Variants in TNFRSF19 observed in about 807,000 individuals in gnomAD.
TNFRSF19 encodes tumor necrosis factor receptor superfamily member 19.
Under a neutral mutation model 46.4 loss-of-function variants are expected in TNFRSF19, and 27 were observed. The ratio of observed to expected loss-of-function variants is 0.58; its 90% CI spans 0.43 to 0.80. TNFRSF19 has a LOEUF of 0.80. Among genes scored for constraint, TNFRSF19 ranks in the 30% least tolerant of loss-of-function variants. The pLI, the probability that TNFRSF19 is intolerant of heterozygous loss-of-function variation, is 0.00. For synonymous variants in TNFRSF19, 204 were observed against 205.0 expected, an observed-to-expected ratio of 1.00 and a Z score of 0.04; for missense variants, 511 against 530.8, an observed-to-expected ratio of 0.96 and a Z score of 0.37.
chr13:23,599,518 T>C (rs1879977036), intron 3 of TNFRSF19, among the ~76,000 whole-genome samples: 1 of 152,076 alleles, frequency 6.6e-6, no homozygotes, highest in South Asian at 2.1e-4. Flanking sequence ...GCAGGACAAC[T>C]GGGAGTGGGG....
intron 5 of TNFRSF19, among the ~76,000 whole-genome samples, chr13:23,657,733 G>A (rs999071908): frequency 1.2e-4 from 18 of 151,546 alleles, no homozygotes; most frequent in Non-Finnish European, 2.5e-4. Context: ...TCGCTCTGTC[G>A]TCCAGGCTGG....
At chr13:23,634,752 A>G (rs1438562378) in intron 5 of TNFRSF19, among the ~76,000 whole-genome samples, 1 of 152,090 alleles carries the variant, frequency 6.6e-6, no homozygotes, top group Non-Finnish European at 1.5e-5. Context: ...GGGAGCATTC[A>G]CCCTCTTGAG....
chr13:23,579,491 C>T (rs1878232886), intron 1 of TNFRSF19: 2 of 152,520 alleles, frequency 1.3e-5, no homozygotes, highest in Admixed American at 1.3e-4. Flanking sequence ...GAGCCTCGGG[C>T]TCCGGCCCGG....
At chr13:23,579,805 G>A (rs987745246) in intron 1 of TNFRSF19, among the ~76,000 whole-genome samples, 12 of 152,038 alleles carry the variant, frequency 7.9e-5, no homozygotes, top group Non-Finnish European at 1.8e-4. Context: ...ACGCGACCTG[G>A]ACTCCTATCC....
intron 3 of TNFRSF19, among the ~76,000 whole-genome samples, chr13:23,609,498 G>A (rs955328397): frequency 2.0e-5 from 3 of 152,208 alleles, no homozygotes; most frequent in African/African-American, 7.2e-5. Flanking sequence ...CTCCTCACTC[G>A]TATTAATGCC....
rs768646170 is a variant in TNFRSF19, at chr13:23,659,062, T to A, written c.458T>A (p.Val153Asp). 6.2e-7 allele frequency: 1 copy of A among 1,613,656 alleles called. No homozygotes were observed. Among genetic ancestry groups the A allele is most frequent in the Non-Finnish European group, 8.5e-7 (1 of 1,180,022 alleles). Residue 153 changes from valine (V) to aspartate (D), a missense_variant, in exon 6 of 10, where the codon GTC (valine) becomes GAC (aspartate). Transcript: ENST00000248484. The surrounding 1 kb of genome is among the most constrained non-coding windows in gnomAD (Gnocchi z 4.9). Reference sequence around the variant, plus strand: ...CCTGTGGTTTCAGGTGCCAGCAAGGTCAACCTCGTGAAGATCGCGTCCACG... The same window carrying A: ...CCTGTGGTTTCAGGTGCCAGCAAGGACAACCTCGTGAAGATCGCGTCCACG... ...PPYEPHCASK[V>D]NLVKIASTAS...
chr13:23,661,643 A>G (rs1884375222), intron 7 of TNFRSF19, among the ~76,000 whole-genome samples: 1 of 152,192 alleles, frequency 6.6e-6, no homozygotes, highest in East Asian at 1.9e-4. Flanking sequence ...GGTTGAACTA[A>G]TTTACACTTC....
chr13:23,601,590 A>G (rs754475236), intron 3 of TNFRSF19, among the ~76,000 whole-genome samples: 3 of 152,234 alleles, frequency 2.0e-5, no homozygotes, highest in Non-Finnish European at 4.4e-5. Flanking sequence ...TAATTTTCCT[A>G]TTCTTAATTG....
intron 5 of TNFRSF19, among the ~76,000 whole-genome samples, chr13:23,636,741 C>T (rs1362374706): frequency 1.3e-5 from 2 of 152,040 alleles, no homozygotes; most frequent in South Asian, 4.1e-4. Context: ...GCTCCTGGGC[C>T]GTTATGAAGA....
At chr13:23,594,830 C>T (rs1428387313) in intron 3 of TNFRSF19, among the ~76,000 whole-genome samples, 1 of 152,230 alleles carries the variant, frequency 6.6e-6, no homozygotes, top group African/African-American at 2.4e-5. Flanking sequence ...AGACACCTCC[C>T]AGCAGGGGTC....
At chr13:23,576,325 G>A (rs1297496049) in intron 1 of TNFRSF19, among the ~76,000 whole-genome samples, 1 of 152,060 alleles carries the variant, frequency 6.6e-6, no homozygotes, top group African/African-American at 2.4e-5. Flanking sequence ...CAGAGACGAG[G>A]TTTCGCCATG....
chr13:23,673,395 T>C lies in TNFRSF19; in HGVS notation c.*15T>C. 1 of 1,604,682 alleles carries C rather than the reference T, an allele frequency of 6.2e-7. No individual in the cohort carries two copies. Among genetic ancestry groups the C allele is most frequent in the South Asian group, 1.1e-5 (1 of 89,156 alleles). Reference sequence around the variant, plus strand: ...AGGAAGCTTAAAGAACCTGCTTCTTTCTGCAGTAGAAGCGTGTGCTGGAAC... The same window carrying C: ...AGGAAGCTTAAAGAACCTGCTTCTTCCTGCAGTAGAAGCGTGTGCTGGAAC... On this transcript the variant is annotated 3_prime_UTR_variant, in exon 10 of 10. Transcript: ENST00000248484.
intron 4 of TNFRSF19, among the ~76,000 whole-genome samples, chr13:23,620,240 A>T (rs923172132): frequency 6.6e-6 from 1 of 152,232 alleles, no homozygotes; most frequent in Non-Finnish European, 1.5e-5. Flanking sequence ...ACTGAGGCAG[A>T]AAGACGTGAG....
At chr13:23,595,444 C>T (rs1879649204) in intron 3 of TNFRSF19, among the ~76,000 whole-genome samples, 1 of 152,104 alleles carries the variant, frequency 6.6e-6, no homozygotes, top group South Asian at 2.1e-4. Context: ...AAACACAGCA[C>T]AAGAACTTCA....
rs1230838153 is a variant in TNFRSF19 at position 23,675,575 on chromosome 13, T to TA, written c.*2196dup. 3 of 152,166 alleles carry TA rather than the reference T, an allele frequency of 2.0e-5. No homozygotes were observed. Among genetic ancestry groups the TA allele is most frequent in the African/African-American group, 7.2e-5 (3 of 41,430 alleles). The allele number at this position is 152,166 out of a possible 1,614,324, so 9.4% of individuals were successfully genotyped here. The stretch of plus-strand genomic sequence containing the variant: ...CATTTTACCCTACCTACTCTAGAAA[T>TA]ATACAACAATGTTATATTTTACACT... On this transcript the variant is annotated 3_prime_UTR_variant, in exon 10 of 10. Transcript: ENST00000248484.
intron 5 of TNFRSF19, among the ~76,000 whole-genome samples, chr13:23,643,141 G>C (rs1422745679): frequency 6.6e-6 from 1 of 152,248 alleles, no homozygotes; most frequent in Non-Finnish European, 1.5e-5. Context: ...TTCTCTCTCT[G>C]AGAGGAGATT....
chr13:23,658,921 TC>T (rs1884156564), intron 5 of TNFRSF19, 128 bp from the exon 6 acceptor site: 1 of 1,197,152 alleles, frequency 8.4e-7, no homozygotes, highest in Non-Finnish European at 1.2e-6. Flanking sequence ...GCTTGAGCCA[TC>T]TTTAAATATC....
Position 23,590,202 on chromosome 13 carries a change from C to G in TNFRSF19, c.19C>G (p.Leu7Val). 2.5e-6 allele frequency: 4 copies of G among 1,597,288 alleles called. No homozygotes were observed. In the South Asian group the frequency reaches 4.6e-5, roughly 18 times the overall value. MALKVLLEQEKTFFTLL... is the reference protein window; with the variant it reads MALKVLVEQEKTFFTLL... ...AAGAAAGATGGCTTTAAAAGTGCTA[C>G]TAGAACAAGAGAAAACGTTTTTCAC... Residue 7 changes from leucine (L) to valine (V), a missense_variant, in exon 2 of 10, where the codon CTA becomes GTA. By Grantham distance (32) the Leu-to-Val change is conservative. Around this residue, in one of 3 missense-constraint regions of TNFRSF19, gnomAD observed 121 missense variants for 124.1 expected, o/e 0.98. Coordinates refer to ENST00000248484, the MANE Select transcript of TNFRSF19 (RefSeq NM_148957.4).
chr13:23,630,401 C>T (rs1193488632), intron 5 of TNFRSF19, among the ~76,000 whole-genome samples: 2 of 152,086 alleles, frequency 1.3e-5, no homozygotes, highest in Non-Finnish European at 2.9e-5. Context: ...CCAGTCTCTC[C>T]CCTCTCTATC....
Sources: allele counts gnomAD v4.1 joint callset (sites outside exome capture counted in the v4.1 genomes callset), GRCh38; gene constraint gnomAD v4.1.1; regional missense constraint gnomAD v4.1.1; non-coding constraint Gnocchi (gnomAD v3.1); transcripts MANE v1.5; gene names NCBI Gene and HGNC (gene_info 2026-07-23, HGNC 2026-07-21).